The following DLGAP5 variants were observed in gnomAD, a reference collection of about 807,000 sequenced individuals.
The protein encoded by DLGAP5 is DLG associated protein 5, also known as disks large-associated protein 5.
In DLGAP5, 90 loss-of-function variants were observed where a neutral mutation model predicts 99.6. The observed-to-expected ratio is 0.90, with a 90% CI of 0.76 to 1.08. DLGAP5 has a LOEUF of 1.08. DLGAP5 is among the 50% of genes least tolerant of loss of function. DLGAP5 has a pLI of 0.00. For missense variants in DLGAP5, 1,036 were observed against 983.5 expected, an observed-to-expected ratio of 1.05 and a Z score of -0.71; for synonymous variants, 311 against 321.3, an observed-to-expected ratio of 0.97 and a Z score of 0.34.
intron 10 of DLGAP5, among the ~76,000 whole-genome samples, chr14:55,173,433 G>T (rs1055512523): frequency 6.6e-6 from 1 of 151,826 alleles, no homozygotes; most frequent in African/African-American, 2.4e-5. Context: ...CAAAACAAAA[G>T]AAAAGAAAGA....
chr14:55,163,615 GAT>G (rs1171478305), intron 12 of DLGAP5, among the ~76,000 whole-genome samples: 2 of 152,272 alleles, frequency 1.3e-5, no homozygotes, highest in East Asian at 3.9e-4. Flanking sequence ...TTCTAAAGTG[GAT>G]ATAACATTTT....
chr14:55,186,784 A>G lies in DLGAP5; in HGVS notation c.238+2158T>C, dbSNP rs976938438. On this transcript the variant is annotated intron_variant, in intron 2 of 18. Coordinates refer to ENST00000247191, the MANE Select transcript of DLGAP5 (RefSeq NM_014750.5). ...CTCTATTATACTTGATCTAACAAGC[A>G]GTACTGACTAACATAGTTAATCAGT... is the stretch of plus-strand genomic sequence containing the variant. Among the ~76,000 whole-genome samples, 7 of 152,278 alleles carry G rather than the reference A, an allele frequency of 4.6e-5. No homozygotes were observed. In the East Asian group the frequency reaches 1.3e-3, roughly 29 times the overall value.
At chr14:55,161,798 C>T (rs1882447350) in intron 13 of DLGAP5, among the ~76,000 whole-genome samples, 1 of 135,536 alleles carries the variant, frequency 7.4e-6, no homozygotes, top group African/African-American at 2.7e-5. Flanking sequence ...CACTTGAACT[C>T]AGGAGTCAGA....
intron 8 of DLGAP5, 110 bp from the exon 9 acceptor site, chr14:55,176,128 C>A: frequency 9.9e-7 from 1 of 1,005,964 alleles, no homozygotes; most frequent in Non-Finnish European, 1.4e-6. Context: ...AGAAATGTTT[C>A]TATTTTTTTA....
Position 55,154,810 on chromosome 14 carries a change from G to A in DLGAP5, c.1874-4C>T, listed in dbSNP as rs771096570. 3 of 1,612,420 alleles carry A rather than the reference G, an allele frequency of 1.9e-6. No individual in the cohort carries two copies. Among genetic ancestry groups the A allele is most frequent in the African/African-American group, 1.3e-5 (1 of 74,936 alleles). On this transcript the variant is annotated splice_region_variant and splice_polypyrimidine_tract_variant and intron_variant, in intron 14 of 18. Coordinates refer to ENST00000247191, the MANE Select transcript of DLGAP5 (RefSeq NM_014750.5). ...CCTTCAGAAGAGACAGAAAGTCCTA[G>A]AAGATGAGAGAAATCACCTCAATAC...
intron 18 of DLGAP5, among the ~76,000 whole-genome samples, chr14:55,149,819 G>T (rs913054964): frequency 5.0e-5 from 2 of 39,768 alleles, no homozygotes; most frequent in African/African-American, 4.8e-4. Flanking sequence ...TCGGGGCGGG[G>T]GGGGGGCATC....
At chr14:55,164,038 A>G (rs1377493927) in intron 12 of DLGAP5, among the ~76,000 whole-genome samples, 1 of 152,196 alleles carries the variant, frequency 6.6e-6, no homozygotes, top group Non-Finnish European at 1.5e-5. Flanking sequence ...ATAGGATGGA[A>G]ATATAATCCC....
chr14:55,175,774 C>T, intron 9 of DLGAP5, 120 bp downstream of exon 9: 1 of 925,128 alleles, frequency 1.1e-6, no homozygotes, highest in Non-Finnish European at 1.5e-6. Flanking sequence ...AAAAGAGCTC[C>T]AAACAAATCT....
At chr14:55,177,913 A>G (rs1460019368) in intron 7 of DLGAP5, among the ~76,000 whole-genome samples, 2 of 152,056 alleles carry the variant, frequency 1.3e-5, no homozygotes, top group Non-Finnish European at 2.9e-5. Flanking sequence ...GAAAATTAAT[A>G]TGGAAAAACT....
chr14:55,157,324 G>C (rs1193446531), intron 14 of DLGAP5, among the ~76,000 whole-genome samples: 1 of 152,192 alleles, frequency 6.6e-6, no homozygotes, highest in African/African-American at 2.4e-5. Flanking sequence ...TAGTAGAATG[G>C]AGTCATGTTA....
At chr14:55,189,616 T>A (rs546158047) in intron 1 of DLGAP5, among the ~76,000 whole-genome samples, 3 of 152,258 alleles carry the variant, frequency 2.0e-5, no homozygotes, top group East Asian at 3.9e-4. Context: ...CCACACCAGG[T>A]ACCTATTAGT....
intron 7 of DLGAP5, among the ~76,000 whole-genome samples, chr14:55,178,027 C>CGGATCACAAGGTCGGGA (rs149629272): frequency 0.28 from 41,610 of 148,634 alleles, 11,298 homozygotes; most frequent in African/African-American, 0.71. Flanking sequence ...CTGAGGCGGG[C>CGGATCACAAGGTCGGGA]GGATCACAAG....
intron 7 of DLGAP5, 96 bp from the exon 8 acceptor site, chr14:55,177,432 T>C: frequency 1.8e-6 from 2 of 1,119,288 alleles, no homozygotes; most frequent in South Asian, 1.7e-5. Flanking sequence ...AACAGAAATA[T>C]ATGTTCTATG....
At chr14:55,168,409 C>G (rs754487174) in intron 12 of DLGAP5, among the ~76,000 whole-genome samples, 1 of 152,186 alleles carries the variant, frequency 6.6e-6, no homozygotes, top group Admixed American at 6.5e-5. Context: ...AATATGAATA[C>G]TTGCATTTAA....
chr14:55,186,347 G>A (rs560961632), intron 2 of DLGAP5, among the ~76,000 whole-genome samples: 1 of 152,296 alleles, frequency 6.6e-6, no homozygotes, highest in Non-Finnish European at 1.5e-5. Flanking sequence ...AACAAAATCA[G>A]CAGTAATTCC....
chr14:55,179,803 G>T, intron 6 of DLGAP5, 104 bp from the exon 7 acceptor site: 2 of 882,470 alleles, frequency 2.3e-6, no homozygotes, highest in Non-Finnish European at 3.4e-6. Flanking sequence ...TATATGTCTT[G>T]AAGGATTTTT....
intron 18 of DLGAP5, chr14:55,150,434 C>T (rs565901697): frequency 6.2e-6 from 1 of 160,604 alleles, no homozygotes; most frequent in Non-Finnish European, 1.3e-5. Flanking sequence ...AATAGCAGGA[C>T]ATAAATAACC....
At position 55,181,288 on chromosome 14, in the gene DLGAP5, C is replaced by T. The variant is rs1348319739; in HGVS notation, c.505G>A (p.Glu169Lys). Residue 169 changes from glutamate (E) to lysine (K), a missense_variant, in exon 5 of 19, where the codon GAG becomes AAG. By Grantham distance (56) the Glu-to-Lys change is moderately conservative. Coordinates refer to ENST00000247191, the MANE Select transcript of DLGAP5 (RefSeq NM_014750.5). ...GGTCGGATTGCTCGAACATCACTCT[C>T]GTTATCAATCTATTTAAGAGATTAG... ...DQMEQTKIDNESDVRAIRPGP... is the reference protein window; with the variant it reads ...DQMEQTKIDNKSDVRAIRPGP... The T allele has an allele frequency of 1.9e-6, 3 of 1,613,688 alleles. No individual in the cohort carries two copies. The highest frequency in any genetic ancestry group is 1.6e-4 in the Middle Eastern group (1 of 6,082).
rs763610880 is a variant in DLGAP5, at chr14:55,154,718, C to T, written c.1962G>A (p.Met654Ile). The T allele has an allele frequency of 5.6e-6, 9 of 1,613,988 alleles. No homozygotes were observed. The highest frequency in any genetic ancestry group is 1.7e-5 in the Admixed American group (1 of 60,022). The part of the protein sequence containing the change: ...NKAVSQSRNE[M>I]GIPQQTTSPE... The stretch of plus-strand genomic sequence containing the variant: ...GTGATGTAGTTTGTTGTGGAATGCC[C>T]ATCTCATTTCTACTCTGAGATACAG... The change falls in exon 15 of 19, where the codon ATG becomes ATA. Residue 654 changes from methionine to isoleucine, a missense_variant. By Grantham distance (10) the Met-to-Ile change is conservative. Coordinates refer to ENST00000247191, the MANE Select transcript of DLGAP5 (RefSeq NM_014750.5).
Sources: allele counts gnomAD v4.1 joint callset (sites outside exome capture counted in the v4.1 genomes callset), GRCh38; gene constraint gnomAD v4.1.1; transcripts MANE v1.5; gene names NCBI Gene and HGNC (gene_info 2026-07-23, HGNC 2026-07-21).